STX18: variants seen among roughly 807,000 people sequenced by gnomAD.
STX18 encodes the protein syntaxin 18, also known as syntaxin-18.
STX18 carries 40 observed loss-of-function variants against 50.1 expected under a neutral mutation model. The observed-to-expected ratio is 0.80, with a 90% confidence interval of 0.62 to 1.04. The LOEUF is 1.04. Ranked by LOEUF, STX18 falls within the 50% of genes least tolerant of loss-of-function variation. The probability of loss-of-function intolerance (pLI) is 0.00; values close to 1 mark genes in which losing one functional copy is unlikely to be tolerated. For synonymous variants in STX18, 158 were observed against 151.8 expected (o/e 1.04, Z -0.30); for missense variants, 410 against 415.8 (o/e 0.99, Z 0.12).
At chr4:4,514,000 C>T (rs1730124584) in intron 1 of STX18, among the ~76,000 whole-genome samples, 1 of 152,052 alleles carries the variant, frequency 6.6e-6, no homozygotes, top group South Asian at 2.1e-4. Context: ...GGAGAAAGAA[C>T]TCGAGAGGGC....
intron 6 of STX18, among the ~76,000 whole-genome samples, chr4:4,437,255 C>T (rs1725840392): frequency 6.6e-6 from 1 of 152,164 alleles, no homozygotes; most frequent in Non-Finnish European, 1.5e-5. Context: ...TGCGCCTGGC[C>T]CAGACTCACT....
At chr4:4,499,745 A>G (rs562008452) in intron 1 of STX18, among the ~76,000 whole-genome samples, 1 of 152,354 alleles carries the variant, frequency 6.6e-6, no homozygotes, top group Admixed American at 6.5e-5. Context: ...AAAAATCACT[A>G]GTAGCAGAAT....
chr4:4,478,392 A>G (rs560049948), intron 1 of STX18, among the ~76,000 whole-genome samples: 1 of 152,318 alleles, frequency 6.6e-6, no homozygotes, highest in Admixed American at 6.5e-5. Flanking sequence ...GGTCAGAAAG[A>G]CTGGCAGTAC....
intron 1 of STX18, among the ~76,000 whole-genome samples, chr4:4,508,638 C>T (rs750894150): frequency 2.0e-5 from 3 of 152,134 alleles, no homozygotes; most frequent in Non-Finnish European, 4.4e-5. Context: ...TGGTTTGCTG[C>T]ACAGATCATC....
intron 1 of STX18, among the ~76,000 whole-genome samples, chr4:4,509,258 C>T (rs1729879590): frequency 6.6e-6 from 1 of 151,958 alleles, no homozygotes; most frequent in African/African-American, 2.4e-5. Flanking sequence ...GCCATTCTAA[C>T]TGGCATGAGA....
Position 4,524,929 on chromosome 4 carries a change from C to T in STX18, c.168+16868G>A, listed in dbSNP as rs141606477. ...AAACAGGGAGAGGGTGAGAGTGGAC[C>T]GCAAATTAAATTTGATAGGATACGA... On this transcript the variant is annotated intron_variant, in intron 1 of 10. Coordinates refer to ENST00000306200, the MANE Select transcript of STX18 (RefSeq NM_016930.4). Among the ~76,000 whole-genome samples the T allele has an allele frequency of 6.9e-4, 104 of 151,580 alleles. No homozygotes were observed. In the South Asian group the frequency reaches 9.4e-3, roughly 14 times the overall value.
chr4:4,437,927 T>C (rs986650241), intron 6 of STX18, among the ~76,000 whole-genome samples: 5 of 152,238 alleles, frequency 3.3e-5, no homozygotes, highest in African/African-American at 1.2e-4. Context: ...ATGGGCCCTC[T>C]AGTATCTGTG....
chr4:4,471,572 GC>G, intron 2 of STX18, 66 bp downstream of exon 2: 7 of 1,103,798 alleles, frequency 6.3e-6, no homozygotes, highest in Non-Finnish European at 8.8e-6. Context: ...GGCAAAAAGC[GC>G]AAAAGAAATA....
At chr4:4,490,031 C>A (rs934720436) in intron 1 of STX18, among the ~76,000 whole-genome samples, 8 of 152,134 alleles carry the variant, frequency 5.3e-5, no homozygotes, top group Non-Finnish European at 1.2e-4. Flanking sequence ...ACCATACATA[C>A]AAAAAATTTT....
At chr4:4,461,126 C>T (rs1455138393) in intron 2 of STX18, among the ~76,000 whole-genome samples, 1 of 152,148 alleles carries the variant, frequency 6.6e-6, no homozygotes, top group African/African-American at 2.4e-5. Flanking sequence ...GGAAACTCAG[C>T]TCAGTGAAAT....
At chr4:4,463,981 A>G (rs151275220) in intron 2 of STX18, among the ~76,000 whole-genome samples, 122 of 152,348 alleles carry the variant, frequency 8.0e-4, no homozygotes, top group Non-Finnish European at 1.1e-3. Context: ...ATTTTTCTCT[A>G]TTGGAGAATT....
intron 5 of STX18, among the ~76,000 whole-genome samples, chr4:4,450,768 C>G (rs1389141017): frequency 6.6e-6 from 1 of 152,200 alleles, no homozygotes; most frequent in Admixed American, 6.5e-5. Context: ...TGCTGCTCCC[C>G]ACGACTGCAG....
At chr4:4,457,078 G>T in intron 5 of STX18, 113 bp downstream of exon 5, 2 of 977,954 alleles carry the variant, frequency 2.0e-6, no homozygotes, top group Non-Finnish European at 3.1e-6. Context: ...ATGGCATTTT[G>T]CGAAGAAGTT....
chr4:4,448,959 C>A (rs1726586136), intron 5 of STX18, among the ~76,000 whole-genome samples: 1 of 151,232 alleles, frequency 6.6e-6, no homozygotes, highest in East Asian at 1.9e-4. Context: ...AGAGTTGTTG[C>A]AAACACTAAA....
chr4:4,538,633 T>C (rs1426649629), intron 1 of STX18, among the ~76,000 whole-genome samples: 1 of 152,114 alleles, frequency 6.6e-6, no homozygotes, highest in Non-Finnish European at 1.5e-5. Flanking sequence ...ATATAGACTA[T>C]GTGAGTAGGG....
intron 1 of STX18, among the ~76,000 whole-genome samples, chr4:4,488,344 A>G (rs1385560652): frequency 2.0e-5 from 3 of 152,242 alleles, no homozygotes; most frequent in African/African-American, 4.8e-5. Flanking sequence ...ATATCAGCTT[A>G]TAAGAATGTG....
chr4:4,499,888 T>G (rs1729356219), intron 1 of STX18, among the ~76,000 whole-genome samples: 1 of 151,936 alleles, frequency 6.6e-6, no homozygotes, highest in African/African-American at 2.4e-5. Flanking sequence ...ATAAAATGAC[T>G]GCTGTTTAAA....
chr4:4,481,153 G>A (rs1728438546), intron 1 of STX18, among the ~76,000 whole-genome samples: 2 of 152,194 alleles, frequency 1.3e-5, no homozygotes, highest in Non-Finnish European at 2.9e-5. Flanking sequence ...CAAAAACCCT[G>A]GTACAAAATG....
At chr4:4,507,008 C>T in intron 1 of STX18, 2 of 387,158 alleles carry the variant, frequency 5.2e-6, no homozygotes, top group South Asian at 4.1e-5. Flanking sequence ...TTACTGTATG[C>T]TAATCTACAA....
Sources: gnomAD v4.1 joint callset for allele counts (sites outside exome capture counted in the v4.1 genomes callset) on GRCh38, gnomAD v4.1.1 for gene constraint, MANE v1.5 for transcripts, NCBI Gene and HGNC (gene_info 2026-07-23, HGNC 2026-07-21) for gene names.